The following SLCO4A1 variants were observed in gnomAD, a reference collection of about 807,000 sequenced individuals.
SLCO4A1 encodes colon organic anion transporter.
In SLCO4A1, 51 loss-of-function variants were observed where a neutral mutation model predicts 64.6. The observed-to-expected ratio is 0.79, with a 90% confidence interval of 0.63 to 1.00. The LOEUF (loss-of-function observed/expected upper bound fraction) is 1.00. Among genes scored for constraint, SLCO4A1 ranks in the 50% least tolerant of loss-of-function variants. SLCO4A1 has a pLI of 0.00. For missense variants in SLCO4A1, 919 were observed against 980.5 expected, an observed-to-expected ratio of 0.94 and a Z score of 0.84; for synonymous variants, 471 against 444.9, an observed-to-expected ratio of 1.06 and a Z score of -0.74.
In SLCO4A1 at chr20:62,666,471, G is replaced by A. The variant is rs369770452; in HGVS notation, c.1368G>A (p.Lys456=). The A allele has an allele frequency of 6.2e-6, 10 of 1,613,522 alleles. No individual in the cohort carries two copies. The highest frequency in any genetic ancestry group is 8.5e-6 in the Non-Finnish European group (10 of 1,179,994). Residue 456 remains lysine, a synonymous_variant, in exon 7 of 12, where the codon AAG becomes AAA. Transcript: ENST00000217159. ...GGCTCCGGGGCTCCGCGGTCATCAAGTTCTGCCTGTTCTGCACCGTTGTCA... is the reference window on the plus strand; with the variant it reads ...GGCTCCGGGGCTCCGCGGTCATCAAATTCTGCCTGTTCTGCACCGTTGTCA... ...KLRLRGSAVI[K]FCLFCTVVSL...
chr20:62,689,256 T>C (rs6010872), downstream of SLCO4A1, among the ~76,000 whole-genome samples: 228 of 65,208 alleles, frequency 3.5e-3, no homozygotes, highest in Middle Eastern at 7.1e-3. Flanking sequence ...GCCGGCTGTG[T>C]CCCGTTCCTC....
At chr20:62,651,948 C>T (rs970519071) in intron 1 of SLCO4A1, 2 of 152,234 alleles carry the variant, frequency 1.3e-5, no homozygotes, top group African/African-American at 4.8e-5. Context: ...TGGGCTTGCC[C>T]ACCATTGAGC....
downstream of SLCO4A1, chr20:62,672,655 G>C (rs1428885855): frequency 6.6e-6 from 1 of 152,268 alleles, no homozygotes; most frequent in Non-Finnish European, 1.5e-5. Context: ...GTGAACAGCT[G>C]GTATCAACTG....
chr20:62,690,299 C>T (rs995537357), downstream of SLCO4A1, among the ~76,000 whole-genome samples: 1 of 152,146 alleles, frequency 6.6e-6, no homozygotes, highest in Non-Finnish European at 1.5e-5. Flanking sequence ...TTTGATACTC[C>T]AGGGGAGTGG....
chr20:62,667,246 T>A (rs2147100597), intron 7 of SLCO4A1, among the ~76,000 whole-genome samples: 1 of 152,226 alleles, frequency 6.6e-6, no homozygotes, highest in South Asian at 2.1e-4. Flanking sequence ...AGGAAGGAGT[T>A]GGACAATGGG....
At position 62,656,691 on chromosome 20, in the gene SLCO4A1, G is replaced by A. The variant is rs780996923; in HGVS notation, c.237G>A (p.Ser79=). 5.0e-6 allele frequency: 8 copies of A among 1,609,572 alleles called. No individual in the cohort carries two copies. In the East Asian group the frequency reaches 8.9e-5, roughly 18 times the overall value. ...GGACCCATGAGGTGCGGTACGTCTC[G>A]GCCGGGCAGAGCGTGGCGTGCGGCT... ...ARGTHEVRYV[S]AGQSVACGWW... Residue 79 remains serine, a synonymous_variant, in exon 2 of 12, where the codon TCG becomes TCA. Transcript: ENST00000217159.
chr20:62,655,667 T>C (rs1455338950), intron 1 of SLCO4A1, among the ~76,000 whole-genome samples: 1 of 152,172 alleles, frequency 6.6e-6, no homozygotes, highest in Non-Finnish European at 1.5e-5. Context: ...GGCTGCCGAC[T>C]GCAACTCCTG....
chr20:62,663,383 G>C (rs1227553266), intron 5 of SLCO4A1: 2 of 152,250 alleles, frequency 1.3e-5, no homozygotes, highest in East Asian at 3.8e-4. Context: ...CCCTCCTGCA[G>C]GTGGGGGTGA....
chr20:62,678,525 C>T (rs897867561), intron 2 of SLCO4A1, among the ~76,000 whole-genome samples: 3 of 149,896 alleles, frequency 2.0e-5, no homozygotes, highest in Non-Finnish European at 4.4e-5. Flanking sequence ...TTTCTTACAG[C>T]GCTATTCTTT....
rs1229901177 is a variant in SLCO4A1 at position 62,668,158 on chromosome 20, C to T, written c.1785C>T (p.Ser595=). ...FVVIFFTFLS[S]IPALTATLRC... The stretch of plus-strand genomic sequence containing the variant: ...TAATTTTCTTTACATTCCTCAGCAG[C>T]ATTCCTGCACTAACGGCAACTCTAC... The change falls in exon 9 of 12, where the codon AGC becomes AGT. Residue 595 remains serine (S), a synonymous_variant. Transcript: ENST00000217159. 3 of 1,613,868 alleles carry T rather than the reference C, an allele frequency of 1.9e-6. No individual in the cohort carries two copies. Among genetic ancestry groups the T allele is most frequent in the Non-Finnish European group, 2.5e-6 (3 of 1,180,006 alleles).
Position 62,657,121 on chromosome 20 carries a change from C to T in SLCO4A1, c.667C>T (p.Leu223=). ...GAVCADSTSG[L]SRYQLVFMLG... Reference sequence around the variant, plus strand: ...GGTGTGTGCGGACAGCACCTCGGGCCTGTCCCGCTACCAGCTGGTCTTCAT... The same window carrying T: ...GGTGTGTGCGGACAGCACCTCGGGCTTGTCCCGCTACCAGCTGGTCTTCAT... The change falls in exon 2 of 12, where the codon CTG becomes TTG. Residue 223 remains leucine (L), a synonymous_variant. Coordinates refer to ENST00000217159, the MANE Select transcript of SLCO4A1 (RefSeq NM_016354.4). 1 of 1,579,778 alleles carries T rather than the reference C, an allele frequency of 6.3e-7. No homozygotes were observed. The highest frequency in any genetic ancestry group is 8.6e-7 in the Non-Finnish European group (1 of 1,164,406).
chr20:62,643,130 C>A (rs1281081728), intron 1 of SLCO4A1: 3 of 427,040 alleles, frequency 7.0e-6, no homozygotes, highest in Non-Finnish European at 1.5e-5. Flanking sequence ...GAGGGGAGCG[C>A]GGGCGGAGCG....
chr20:62,652,386 G>A lies in SLCO4A1; in HGVS notation c.-96-3973G>A, dbSNP rs1006846092. ...CTCTGAGCCTGGCCTGTCCTCCTCC[G>A]GGCCTCTGAGGTTGCTTTCTGTTTC... On this transcript the variant is annotated intron_variant, in intron 1 of 11. Coordinates refer to ENST00000217159, the MANE Select transcript of SLCO4A1 (RefSeq NM_016354.4). 1.2e-4 allele frequency among the ~76,000 whole-genome samples: 19 copies of A among 152,226 alleles called. No individual in the cohort carries two copies. The East Asian group carries it at 1.4e-3, about 11-fold the overall frequency.
chr20:62,658,743 A>G lies in SLCO4A1; in HGVS notation c.863A>G (p.Asn288Ser), dbSNP rs1419352125. 6.2e-7 allele frequency: 1 copy of G among 1,611,562 alleles called. No individual in the cohort carries two copies. Among genetic ancestry groups the G allele is most frequent in the African/African-American group, 1.3e-5 (1 of 74,932 alleles). The change falls in exon 3 of 12, where the codon AAT becomes AGT. Residue 288 changes from asparagine to serine, a missense_variant. Transcript: ENST00000217159. ...TACCTGATTGGAGGTGCCCTGCTGA[A>G]TATCTACACGGAAATGGGCCGACGG... ...AGYLIGGALL[N>S]IYTEMGRRTE...
downstream of SLCO4A1, among the ~76,000 whole-genome samples, chr20:62,689,542 C>T (rs1381829045): frequency 2.6e-5 from 4 of 152,200 alleles, no homozygotes; most frequent in East Asian, 1.9e-4. Flanking sequence ...CTACGGGGGA[C>T]GTGGCAGAGG....
downstream of SLCO4A1, among the ~76,000 whole-genome samples, chr20:62,676,847 C>T (rs566073015): frequency 6.6e-6 from 1 of 152,338 alleles, no homozygotes; most frequent in East Asian, 1.9e-4. Flanking sequence ...TACAAATGTT[C>T]ACGGCAATGT....
rs998926329 is a variant in SLCO4A1 at position 62,645,519 on chromosome 20, C to T, written c.-97+2966C>T. ...CCGCACCCTCACCCTCATCCTCACC[C>T]GCAGCCTCACCCTCAGTCCTCAGAC... On this transcript the variant is annotated intron_variant, in intron 1 of 11. Coordinates refer to ENST00000217159, the MANE Select transcript of SLCO4A1 (RefSeq NM_016354.4). This position sits in a 1 kb window ranked among gnomAD's most constrained non-coding sequence, Gnocchi z 4.2. 6.7e-6 allele frequency among the ~76,000 whole-genome samples: 1 copy of T among 148,464 alleles called. No homozygotes were observed. The highest frequency in any genetic ancestry group is 6.6e-5 in the Admixed American group (1 of 15,064).
rs1013930591 is a variant in SLCO4A1, at chr20:62,645,473, C to T, written c.-97+2920C>T. The stretch of plus-strand genomic sequence containing the variant: ...GAGGGTGCGGGTGAGGATGAGGGTG[C>T]GGGTGAGGACCCACCCACACCCGCA... On this transcript the variant is annotated intron_variant, in intron 1 of 11. Transcript: ENST00000217159. This position sits in a 1 kb window ranked among gnomAD's most constrained non-coding sequence, Gnocchi z 4.2. 4.2e-5 allele frequency among the ~76,000 whole-genome samples: 6 copies of T among 143,886 alleles called. No homozygotes were observed. In the East Asian group the frequency reaches 9.3e-4, roughly 22 times the overall value. The allele number at this position is 143,886 out of a possible 152,430, so 94.4% of individuals were successfully genotyped here. A position where few individuals can be genotyped will look rare whatever the true frequency, so the allele number is the denominator to read the frequency against.
chr20:62,677,678 T>TG (rs1987656945), intron 2 of SLCO4A1, among the ~76,000 whole-genome samples: 1 of 152,182 alleles, frequency 6.6e-6, no homozygotes, highest in African/African-American at 2.4e-5. Context: ...CTGCTGGAGG[T>TG]GGGGTCTGTG....
Sources: allele counts gnomAD v4.1 joint callset (sites outside exome capture counted in the v4.1 genomes callset), GRCh38; gene constraint gnomAD v4.1.1; non-coding constraint Gnocchi (gnomAD v3.1); transcripts MANE v1.5; gene names NCBI Gene and HGNC (gene_info 2026-07-23, HGNC 2026-07-21).